The following AHCYL1 variants were observed in gnomAD, a reference collection of about 807,000 sequenced individuals.
The protein encoded by AHCYL1 is adenosylhomocysteinase like 1, also known as S-adenosylhomocysteine hydrolase-like protein 1.
In AHCYL1, 20 loss-of-function variants were observed where a neutral mutation model predicts 79.3. That is an observed-to-expected ratio of 0.25 (90% CI 0.18 to 0.37). The LOEUF (loss-of-function observed/expected upper bound fraction) is 0.37, where lower values mean the gene tolerates loss of function less well. AHCYL1 is among the 10% of genes least tolerant of loss of function. AHCYL1 has a pLI of 1.00. For synonymous variants in AHCYL1, 223 were observed against 242.2 expected (o/e 0.92, Z 0.74); for missense variants, 330 against 673.6 (o/e 0.49, Z 5.65).
chr1:110,003,358 A>G (rs1159367028), intron 1 of AHCYL1, among the ~76,000 whole-genome samples: 2 of 152,162 alleles, frequency 1.3e-5, no homozygotes, highest in Non-Finnish European at 2.9e-5. Context: ...TAGAGAGAGA[A>G]AAAACCTATT....
rs555080938 is a variant in AHCYL1 at position 109,985,742 on chromosome 1, A to G, written c.120+570A>G. Among the ~76,000 whole-genome samples the G allele has an allele frequency of 2.0e-5, 3 of 152,310 alleles. No homozygotes were observed. In the East Asian group the frequency reaches 5.8e-4, roughly 29 times the overall value. ...TCTACAGCATTCCAATTACTTCGAA[A>G]TATGTAAGAAATTGACATTTGGAGG... is the stretch of plus-strand genomic sequence containing the variant. On this transcript the variant is annotated intron_variant, in intron 1 of 16. Coordinates refer to ENST00000369799, the MANE Select transcript of AHCYL1 (RefSeq NM_006621.7).
chr1:109,988,332 T>C (rs923744796), intron 1 of AHCYL1, among the ~76,000 whole-genome samples: 2 of 152,210 alleles, frequency 1.3e-5, no homozygotes, highest in Non-Finnish European at 2.9e-5. Flanking sequence ...ATGGTATGGC[T>C]AGGAAAATTT....
chr1:109,986,693 A>C (rs1649485696), intron 1 of AHCYL1, among the ~76,000 whole-genome samples: 1 of 152,250 alleles, frequency 6.6e-6, no homozygotes, highest in Non-Finnish European at 1.5e-5. Context: ...CCTTTATGTT[A>C]GTAAATCTGT....
At chr1:110,019,761 A>G in intron 15 of AHCYL1, 135 bp downstream of exon 15, 1 of 745,516 alleles carries the variant, frequency 1.3e-6, no homozygotes, top group South Asian at 1.9e-5. Flanking sequence ...CCTCAGGACA[A>G]GTTCTAATCT....
Position 110,018,411 on chromosome 1 carries a change from A to T in AHCYL1, c.1162A>T (p.Met388Leu), listed in dbSNP as rs1478446333. Residue 388 changes from methionine (M) to leucine (L), a missense_variant, in exon 12 of 17, where the codon ATG becomes TTG. Transcript: ENST00000369799. ...AGTGACACGGGAGCACTTGGATCGC[A>T]TGAAAAACAGTTGTATCGTATGCAA... ...NVVTREHLDR[M>L]KNSCIVCNMG... 11 of 1,614,098 alleles carry T rather than the reference A, an allele frequency of 6.8e-6. No individual in the cohort carries two copies. The highest frequency in any genetic ancestry group is 9.3e-6 in the Non-Finnish European group (11 of 1,180,036).
chr1:110,016,081 TC>T (rs1314988702), intron 7 of AHCYL1, among the ~76,000 whole-genome samples: 2 of 151,802 alleles, frequency 1.3e-5, no homozygotes, highest in Non-Finnish European at 2.9e-5. Flanking sequence ...GAAATAACAC[TC>T]CCTATAAAGG....
chr1:110,000,182 C>G (rs1160930176), intron 1 of AHCYL1, among the ~76,000 whole-genome samples: 1 of 151,922 alleles, frequency 6.6e-6, no homozygotes, highest in East Asian at 1.9e-4. Flanking sequence ...TCCCCAGTGA[C>G]CAAAAGAGGA....
At chr1:110,011,603 C>T (rs973030982) in intron 3 of AHCYL1, among the ~76,000 whole-genome samples, 4 of 152,096 alleles carry the variant, frequency 2.6e-5, no homozygotes, top group African/African-American at 9.7e-5. Context: ...CCTTGCCCCA[C>T]CCCACCACTG....
Position 110,016,344 on chromosome 1 carries a change from G to A in AHCYL1, c.783G>A (p.Arg261=). Residue 261 remains arginine (R), a splice_region_variant and synonymous_variant, in exon 8 of 17, where the codon AGG becomes AGA. Coordinates refer to ENST00000369799, the MANE Select transcript of AHCYL1 (RefSeq NM_006621.7). The part of the protein sequence containing the change: ...IVEESVTGVH[R]LYQLSKAGKL... ...TTTTTGTGACCTCTTCTCTCTTTAG[G>A]CTGTATCAGCTCTCCAAAGCTGGGA... The A allele has an allele frequency of 3.7e-6, 6 of 1,610,156 alleles. No individual in the cohort carries two copies. Among genetic ancestry groups the A allele is most frequent in the Non-Finnish European group, 5.1e-6 (6 of 1,178,352 alleles).
intron 15 of AHCYL1, 81 bp downstream of exon 15, chr1:110,019,707 A>C: frequency 2.2e-6 from 3 of 1,361,898 alleles, no homozygotes; most frequent in Non-Finnish European, 3.1e-6. Flanking sequence ...TTGGATTTAG[A>C]GTCAGAGTTC....
chr1:110,018,977 C>G (rs1260906043), intron 13 of AHCYL1, 74 bp from the exon 14 acceptor site: 7 of 1,430,278 alleles, frequency 4.9e-6, no homozygotes, highest in Non-Finnish European at 4.9e-6. Context: ...AAGTCCTCTC[C>G]CGCTTTGGCT....
chr1:110,020,973 C>A, intron 16 of AHCYL1, 122 bp downstream of exon 16: 1 of 1,416,990 alleles, frequency 7.1e-7, no homozygotes, highest in Non-Finnish European at 9.4e-7. Context: ...GAAATCTGTT[C>A]CAGGCCAGGC....
At chr1:109,997,092 A>G (rs1352669501) in intron 1 of AHCYL1, among the ~76,000 whole-genome samples, 4 of 152,222 alleles carry the variant, frequency 2.6e-5, no homozygotes, top group Admixed American at 2.0e-4. Flanking sequence ...TAAAGAGTCT[A>G]TGTTTTATGT....
intron 1 of AHCYL1, among the ~76,000 whole-genome samples, chr1:109,986,324 CT>C (rs5776998): frequency 0.57 from 83,726 of 147,526 alleles, 23,471 homozygotes; most frequent in East Asian, 0.8. Flanking sequence ...AGAGATGGCT[CT>C]TTTTTTTTTT....
chr1:110,012,471 G>T lies in AHCYL1; in HGVS notation c.477+9G>T. The T allele has an allele frequency of 1.3e-6, 2 of 1,574,006 alleles. No individual in the cohort carries two copies. Among genetic ancestry groups the T allele is most frequent in the Non-Finnish European group, 8.6e-7 (1 of 1,162,152 alleles). On this transcript the variant is annotated intron_variant, in intron 4 of 16. Transcript: ENST00000369799. ...TCACAGCCCAGACAGCGGTGAGTTT[G>T]TTGGAAGAAAAGAGGGACTTCTGAT...
chr1:109,993,339 C>T (rs1021517413), intron 1 of AHCYL1, among the ~76,000 whole-genome samples: 7 of 152,122 alleles, frequency 4.6e-5, no homozygotes, highest in Non-Finnish European at 8.8e-5. Context: ...TAAGGACTGA[C>T]CTGATATTTG....
chr1:110,015,988 C>T (rs1651392412), intron 7 of AHCYL1, among the ~76,000 whole-genome samples: 1 of 152,108 alleles, frequency 6.6e-6, no homozygotes, highest in Admixed American at 6.5e-5. Flanking sequence ...TACTCACACA[C>T]ACACGGAACC....
At chr1:109,985,297 G>C (rs950135145) in intron 1 of AHCYL1, 125 bp downstream of exon 1, 8 of 1,415,940 alleles carry the variant, frequency 5.6e-6, no homozygotes, top group South Asian at 2.9e-5. Context: ...GGTGATGTAG[G>C]GGGTGGCGGC....
intron 1 of AHCYL1, chr1:110,001,085 A>G: frequency 2.5e-6 from 1 of 407,756 alleles, no homozygotes; most frequent in Non-Finnish European, 3.3e-6. Flanking sequence ...TGTTCTTTGT[A>G]TGCCAAGAGT....
Sources: gnomAD v4.1 joint callset for allele counts (sites outside exome capture counted in the v4.1 genomes callset) on GRCh38, gnomAD v4.1.1 for gene constraint, MANE v1.5 for transcripts, NCBI Gene and HGNC (gene_info 2026-07-23, HGNC 2026-07-21) for gene names.